The following SPAG16 variants were observed in gnomAD, a reference collection of about 807,000 sequenced individuals.
SPAG16 encodes sperm-associated antigen 16 protein.
SPAG16 carries 86 observed loss-of-function variants against 80.4 expected under a neutral mutation model. That is an observed-to-expected ratio of 1.07 (90% CI 0.90 to 1.28). SPAG16 has a LOEUF of 1.28. Among genes scored for constraint, SPAG16 ranks in the 50% most tolerant of loss-of-function variants. SPAG16 has a pLI of 0.00. For missense variants in SPAG16, 870 were observed against 765.3 expected, an observed-to-expected ratio of 1.14 and a Z score of -1.61; for synonymous variants, 294 against 265.9, an observed-to-expected ratio of 1.11 and a Z score of -1.03.
At chr2:214,159,365 G>A (rs1361388219) in intron 15 of SPAG16, among the ~76,000 whole-genome samples, 1 of 151,970 alleles carries the variant, frequency 6.6e-6, no homozygotes, top group African/African-American at 2.4e-5. Flanking sequence ...CACACATACT[G>A]CATGACCCAA....
intron 5 of SPAG16, among the ~76,000 whole-genome samples, chr2:213,337,504 A>G (rs2064430543): frequency 6.6e-6 from 1 of 152,228 alleles, no homozygotes; most frequent in South Asian, 2.1e-4. Flanking sequence ...GTTTACCAAC[A>G]TAACTAGTAT....
At chr2:213,863,579 C>A (rs1346511357) in intron 11 of SPAG16, among the ~76,000 whole-genome samples, 1 of 152,000 alleles carries the variant, frequency 6.6e-6, no homozygotes. Flanking sequence ...TTTGACCCTA[C>A]TTTATGAACA....
intron 12 of SPAG16, among the ~76,000 whole-genome samples, chr2:214,000,838 T>C (rs1368162627): frequency 6.6e-6 from 1 of 152,188 alleles, no homozygotes; most frequent in Non-Finnish European, 1.5e-5. Context: ...AATAGATTTT[T>C]TTTTTCTCTG....
chr2:214,399,971 G>T (rs749895131), intron 15 of SPAG16, among the ~76,000 whole-genome samples: 8 of 152,020 alleles, frequency 5.3e-5, no homozygotes, highest in African/African-American at 1.4e-4. Flanking sequence ...TAGGAAATAG[G>T]TCTACAAGGA....
At chr2:214,082,692 A>G (rs922218810) in intron 13 of SPAG16, among the ~76,000 whole-genome samples, 1 of 152,210 alleles carries the variant, frequency 6.6e-6, no homozygotes, top group Non-Finnish European at 1.5e-5. Flanking sequence ...CTTTACCTTC[A>G]GATATTCTAA....
At chr2:214,066,793 A>G (rs2050551249) in intron 13 of SPAG16, among the ~76,000 whole-genome samples, 1 of 152,208 alleles carries the variant, frequency 6.6e-6, no homozygotes, top group South Asian at 2.1e-4. Flanking sequence ...AACTAGATGA[A>G]TATAGATGGA....
intron 11 of SPAG16, among the ~76,000 whole-genome samples, chr2:213,897,186 A>T (rs1380440224): frequency 6.6e-6 from 1 of 152,174 alleles, no homozygotes; most frequent in African/African-American, 2.4e-5. Flanking sequence ...GTACCCTGAA[A>T]CTATGTACAT....
rs146726212 is a variant in SPAG16 at position 213,317,232 on chromosome 2, C to G, written c.412C>G (p.Gln138Glu). 9 of 1,594,778 alleles carry G rather than the reference C, an allele frequency of 5.6e-6. No individual in the cohort carries two copies. In the African/African-American group the frequency reaches 1.1e-4, roughly 19 times the overall value. ...ATTTTATCCTAGGTATGAGTTAATA[C>G]AGAAAGGAGTGACTGAACTTAGAAC... ...CFQSEWYELIQKGVTELRTVG... is the reference protein window; with the variant it reads ...CFQSEWYELIEKGVTELRTVG... Residue 138 changes from glutamine (Q) to glutamate (E), a missense_variant, in exon 5 of 16, where the codon CAG (glutamine) becomes GAG (glutamate). Transcript: ENST00000331683.
In SPAG16 at chr2:213,982,472, T is replaced by C. The variant is rs530379116; in HGVS notation, c.1401-31479T>C. On this transcript the variant is annotated intron_variant, in intron 12 of 15. Transcript: ENST00000331683. ...AAGATAAAATATGCTTTTTGTGTTT[T>C]ATACTTACATACAACAAAGTTTTGA... Among the ~76,000 whole-genome samples, 45 of 152,218 alleles carry C rather than the reference T, an allele frequency of 3.0e-4. No homozygotes were observed. In the South Asian group the frequency reaches 8.7e-3, roughly 29 times the overall value.
chr2:214,225,243 G>T (rs572379589), intron 15 of SPAG16, among the ~76,000 whole-genome samples: 1 of 152,298 alleles, frequency 6.6e-6, no homozygotes, highest in African/African-American at 2.4e-5. Context: ...GCCAAATATT[G>T]TAGGGCCTTG....
chr2:213,358,550 G>T (rs896071242), intron 7 of SPAG16, among the ~76,000 whole-genome samples: 10 of 152,032 alleles, frequency 6.6e-5, no homozygotes, highest in Non-Finnish European at 1.2e-4. Context: ...GATTGAATTG[G>T]TTACTGAAGC....
chr2:213,680,275 G>C (rs2064312921), intron 10 of SPAG16, among the ~76,000 whole-genome samples: 1 of 152,004 alleles, frequency 6.6e-6, no homozygotes, highest in Non-Finnish European at 1.5e-5. Flanking sequence ...TGTTTGGCTG[G>C]GGGACCTTAT....
chr2:213,299,214 ATTATC>A (rs1444321734), intron 3 of SPAG16, among the ~76,000 whole-genome samples: 1 of 152,176 alleles, frequency 6.6e-6, no homozygotes, highest in Non-Finnish European at 1.5e-5. Flanking sequence ...AATAATGTAA[ATTATC>A]TTATTTGTTA....
At chr2:213,489,590 G>A (rs2074153082) in intron 9 of SPAG16, among the ~76,000 whole-genome samples, 1 of 152,056 alleles carries the variant, frequency 6.6e-6, no homozygotes, top group Non-Finnish European at 1.5e-5. Flanking sequence ...AGGGGCATAA[G>A]AATTGTAGAC....
At position 213,360,084 on chromosome 2, in the gene SPAG16, G is replaced by C. The variant is rs1559452948; in HGVS notation, c.763-3992G>C. Among the ~76,000 whole-genome samples, 3 of 152,172 alleles carry C rather than the reference G, an allele frequency of 2.0e-5. No individual in the cohort carries two copies. The South Asian group carries it at 6.2e-4, about 32-fold the overall frequency. ...AGGTGGTAGATTCACTACAATTTGA[G>C]AAAGTCAAATTTAAATAGGAGGTGC... On this transcript the variant is annotated intron_variant, in intron 7 of 15. Transcript: ENST00000331683.
intron 10 of SPAG16, among the ~76,000 whole-genome samples, chr2:213,825,207 G>A (rs2073198149): frequency 1.3e-5 from 2 of 151,866 alleles, no homozygotes; most frequent in South Asian, 4.1e-4. Flanking sequence ...CAATTTTGAA[G>A]CACTTTATTT....
In SPAG16 at chr2:213,576,492, T is replaced by A. The variant is rs138065714; in HGVS notation, c.1070+86402T>A. ...TACTGGATATATACCCAAAGGAATATAAATCATTCTGTTATGAAGTTGTAT... is the reference window on the plus strand; with the variant it reads ...TACTGGATATATACCCAAAGGAATAAAAATCATTCTGTTATGAAGTTGTAT... On this transcript the variant is annotated intron_variant, in intron 10 of 15. Transcript: ENST00000331683. Among the ~76,000 whole-genome samples the A allele has an allele frequency of 2.4e-3, 371 of 152,286 alleles. 1 individual carries two copies. Among genetic ancestry groups the A allele is most frequent in the African/African-American group, 8.2e-3 (341 of 41,560 alleles).
intron 10 of SPAG16, among the ~76,000 whole-genome samples, chr2:213,513,401 T>C (rs980496634): frequency 4.6e-5 from 7 of 152,222 alleles, no homozygotes; most frequent in Admixed American, 3.9e-4. Flanking sequence ...CTCAGGCAAT[T>C]TGGGGTTCAC....
In SPAG16 at chr2:213,933,988, A is replaced by G. The variant is rs186673397; in HGVS notation, c.1400+3843A>G. On this transcript the variant is annotated intron_variant, in intron 12 of 15. Transcript: ENST00000331683. ...CCAAACTTGCATCCAAAAAAAGTGGACTTGTATTTTTGCACAGTTCAGAAG... is the reference window on the plus strand; with the variant it reads ...CCAAACTTGCATCCAAAAAAAGTGGGCTTGTATTTTTGCACAGTTCAGAAG... Among the ~76,000 whole-genome samples, 443 of 152,266 alleles carry G rather than the reference A, an allele frequency of 2.9e-3. 1 individual carries two copies. The highest frequency in any genetic ancestry group is 0.01 in the African/African-American group (423 of 41,552).
Sources: gnomAD v4.1 joint callset for allele counts (sites outside exome capture counted in the v4.1 genomes callset) on GRCh38, gnomAD v4.1.1 for gene constraint, MANE v1.5 for transcripts, NCBI Gene and HGNC (gene_info 2026-07-23, HGNC 2026-07-21) for gene names.